The following UBN2 variants were observed in gnomAD, a reference collection of about 807,000 sequenced individuals.
The protein encoded by UBN2 is ubinuclein-2.
Under a neutral mutation model 120.2 loss-of-function variants are expected in UBN2, and 35 were observed. The ratio of observed to expected loss-of-function variants is 0.29; its 90% CI spans 0.22 to 0.39. UBN2 has a LOEUF of 0.39. Among genes scored for constraint, UBN2 ranks in the 10% least tolerant of loss-of-function variants. The pLI is 1.00. For synonymous variants in UBN2, 661 were observed against 648.7 expected (o/e 1.02, Z -0.29); for missense variants, 1,693 against 1,663.2 (o/e 1.02, Z -0.31).
At position 139,307,338 on chromosome 7, in the gene UBN2, G is replaced by A. The variant is rs1033266645; in HGVS notation, c.*9502G>A. ...ATTTTTTTTTCCTCCTTTAAAAACT[G>A]GACCTGAACACAAGCTTTGAGTTGA... On this transcript the variant is annotated 3_prime_UTR_variant, in exon 18 of 18. Transcript: ENST00000473989. 5 of 151,956 alleles carry A rather than the reference G, an allele frequency of 3.3e-5. No individual in the cohort carries two copies. The highest frequency in any genetic ancestry group is 5.9e-5 in the Non-Finnish European group (4 of 68,000). 9.4% of individuals were successfully genotyped at this position (151,956 alleles called of 1,614,324 possible). A position where few individuals can be genotyped will look rare whatever the true frequency, so the allele number is the denominator to read the frequency against.
chr7:139,300,093 G>C lies in UBN2; in HGVS notation c.*2257G>C, dbSNP rs1477542471. On this transcript the variant is annotated 3_prime_UTR_variant, in exon 18 of 18. Coordinates refer to ENST00000473989, the MANE Select transcript of UBN2 (RefSeq NM_173569.4). ...TGCCATATGAAGATCCCTGGTGACT[G>C]TCATCATTAGAAAAGAACAAGATAA... 1.3e-5 allele frequency: 2 copies of C among 152,092 alleles called. No individual in the cohort carries two copies. Among genetic ancestry groups the C allele is most frequent in the African/African-American group, 4.8e-5 (2 of 41,402 alleles). The allele number at this position is 152,092 out of a possible 1,614,324, so 9.4% of individuals were successfully genotyped here.
chr7:139,271,179 T>C (rs1052367698), intron 8 of UBN2, among the ~76,000 whole-genome samples: 5 of 152,234 alleles, frequency 3.3e-5, no homozygotes, highest in Non-Finnish European at 5.9e-5. Context: ...TTTTTAAACA[T>C]GGGATTTTAT....
intron 6 of UBN2, among the ~76,000 whole-genome samples, chr7:139,265,549 T>C (rs1797073117): frequency 6.6e-6 from 1 of 152,192 alleles, no homozygotes; most frequent in Non-Finnish European, 1.5e-5. Flanking sequence ...TCTGCGAATG[T>C]TATTTTATAT....
chr7:139,299,161 T>TC lies in UBN2; in HGVS notation c.*1327dup, dbSNP rs1432056341. 1 of 152,196 alleles carries TC rather than the reference T, an allele frequency of 6.6e-6. No homozygotes were observed. The highest frequency in any genetic ancestry group is 1.9e-4 in the East Asian group (1 of 5,202). 9.4% of individuals were successfully genotyped at this position (152,196 alleles called of 1,614,324 possible). On this transcript the variant is annotated 3_prime_UTR_variant, in exon 18 of 18. Coordinates refer to ENST00000473989, the MANE Select transcript of UBN2 (RefSeq NM_173569.4). ...ATGTTAAGGGAAAAATTTATGGTTCTCCTTGGATACATTTGATTTGATGGG... is the reference window on the plus strand; with the variant it reads ...ATGTTAAGGGAAAAATTTATGGTTCTCCCTTGGATACATTTGATTTGATGGG...
At chr7:139,275,163 AG>A (rs1196649386) in intron 11 of UBN2, among the ~76,000 whole-genome samples, 3 of 151,408 alleles carry the variant, frequency 2.0e-5, no homozygotes, top group African/African-American at 7.3e-5. Flanking sequence ...CTGTAATCCC[AG>A]CTACCCAGGA....
At position 139,266,226 on chromosome 7, in the gene UBN2, C is replaced by CAA. The variant is rs377760158; in HGVS notation, c.1396-89_1396-88dup. ...TGGGCAACATAGAGAGGCCCTATCT[C>CAA]AAAAAAAAAAAAAAAAAAAGAAAAA... On this transcript the variant is annotated intron_variant, in intron 6 of 17. Transcript: ENST00000473989. The CAA allele has an allele frequency of 7.2e-3, 2,493 of 344,098 alleles. 2 individuals are homozygous for CAA. Among genetic ancestry groups the CAA allele is most frequent in the Non-Finnish European group, 7.5e-3 (1,560 of 207,356 alleles). The allele number at this position is 344,098 out of a possible 1,614,324, so 21.3% of individuals were successfully genotyped here. A position where few individuals can be genotyped will look rare whatever the true frequency, so the allele number is the denominator to read the frequency against.
chr7:139,257,582 T>G (rs968224572), intron 3 of UBN2, among the ~76,000 whole-genome samples: 6 of 151,840 alleles, frequency 4.0e-5, no homozygotes, highest in East Asian at 1.9e-4. Context: ...GGCTAATTTT[T>G]TGTGTGTGTA....
chr7:139,296,240 T>C (rs1397964678), intron 17 of UBN2, among the ~76,000 whole-genome samples: 1 of 152,216 alleles, frequency 6.6e-6, no homozygotes, highest in Non-Finnish European at 1.5e-5. Context: ...GGCCAAATAG[T>C]AAATATGTTA....
rs575225995 is a variant in UBN2 at position 139,231,377 on chromosome 7, T to G, written c.-108T>G. The G allele has an allele frequency of 6.5e-6, 6 of 927,630 alleles. No homozygotes were observed. The highest frequency in any genetic ancestry group is 4.4e-5 in the South Asian group (1 of 22,744). 57.5% of individuals were successfully genotyped at this position (927,630 alleles called of 1,614,324 possible). ...CGCCGGCGGAGACGGCTGAGGGTGG[T>G]GGAGGGAAGAAAAGCGACAGAGAGC... On this transcript the variant is annotated 5_prime_UTR_variant, in exon 1 of 18. Transcript: ENST00000473989.
At chr7:139,313,832 T>C in the UBN2 span, among the ~76,000 whole-genome samples, 1 of 150,954 alleles carries the variant, frequency 6.6e-6, no homozygotes, top group African/African-American at 2.4e-5. Context: ...TACCTATATA[T>C]GATCAACAAT....
At chr7:139,272,211 A>G in intron 8 of UBN2, 111 bp from the exon 9 acceptor site, 2 of 712,246 alleles carry the variant, frequency 2.8e-6, no homozygotes, top group Non-Finnish European at 4.6e-6. Flanking sequence ...ATATGCTAAT[A>G]TTTCAAATCT....
At chr7:139,238,922 T>C (rs1263649600) in intron 2 of UBN2, among the ~76,000 whole-genome samples, 1 of 152,258 alleles carries the variant, frequency 6.6e-6, no homozygotes, top group East Asian at 1.9e-4. Context: ...TGTAAAATCC[T>C]ATAGGATGTA....
downstream of UBN2, among the ~76,000 whole-genome samples, chr7:139,312,905 T>C (rs10216114): frequency 8.9e-3 from 1,350 of 152,286 alleles, 26 homozygotes; most frequent in African/African-American, 0.031. Context: ...CAGATCAATA[T>C]TTCTCCCATT....
In UBN2 at chr7:139,298,468, C is replaced by T. The variant is rs1376108000; in HGVS notation, c.*632C>T. 1.3e-5 allele frequency: 2 copies of T among 152,180 alleles called. No individual in the cohort carries two copies. Among genetic ancestry groups the T allele is most frequent in the African/African-American group, 4.8e-5 (2 of 41,422 alleles). 9.4% of individuals were successfully genotyped at this position (152,180 alleles called of 1,614,324 possible). A position where few individuals can be genotyped will look rare whatever the true frequency, so the allele number is the denominator to read the frequency against. On this transcript the variant is annotated 3_prime_UTR_variant, in exon 18 of 18. Transcript: ENST00000473989. ...ATCCTTCAGGAAAGTTATTTTAGCACAGTGATATATATTATTAAATCATCT... is the reference window on the plus strand; with the variant it reads ...ATCCTTCAGGAAAGTTATTTTAGCATAGTGATATATATTATTAAATCATCT...
At chr7:139,281,325 T>C (rs761844892) in intron 13 of UBN2, among the ~76,000 whole-genome samples, 11 of 152,294 alleles carry the variant, frequency 7.2e-5, no homozygotes, top group South Asian at 6.2e-4. Flanking sequence ...TTTCTAGTTA[T>C]AAAGATAAGA....
chr7:139,291,593 A>G (rs952391976), intron 15 of UBN2, among the ~76,000 whole-genome samples: 6 of 152,134 alleles, frequency 3.9e-5, no homozygotes, highest in Admixed American at 6.5e-5. Flanking sequence ...GCTTATGCCT[A>G]TAATCTCAGT....
At chr7:139,315,062 G>A in the UBN2 span, among the ~76,000 whole-genome samples, 1 of 151,730 alleles carries the variant, frequency 6.6e-6, no homozygotes, top group Non-Finnish European at 1.5e-5. Flanking sequence ...TGCAAGCTCC[G>A]CCTCCCGGGT....
At chr7:139,239,356 C>G (rs546824113) in intron 2 of UBN2, among the ~76,000 whole-genome samples, 1 of 151,990 alleles carries the variant, frequency 6.6e-6, no homozygotes, top group South Asian at 2.1e-4. Flanking sequence ...ATTTAGGTTG[C>G]TTTCAAAAAT....
At chr7:139,263,650 T>G (rs1231497357) in intron 6 of UBN2, among the ~76,000 whole-genome samples, 3 of 151,590 alleles carry the variant, frequency 2.0e-5, no homozygotes, top group African/African-American at 7.3e-5. Flanking sequence ...GGCAGGCGCC[T>G]GTAATCCCAG....
Sources: gnomAD v4.1 joint callset for allele counts (sites outside exome capture counted in the v4.1 genomes callset) on GRCh38, gnomAD v4.1.1 for gene constraint, MANE v1.5 for transcripts, NCBI Gene and HGNC (gene_info 2026-07-23, HGNC 2026-07-21) for gene names.